ZNF804B: variants seen among roughly 807,000 people sequenced by gnomAD.
ZNF804B encodes zinc finger protein 804B, also known as zinc finger 804B.
In ZNF804B, 80 loss-of-function variants were observed where a neutral mutation model predicts 101.4. That is an observed-to-expected ratio of 0.79 (90% CI 0.66 to 0.95). ZNF804B has a LOEUF of 0.95. Among genes scored for constraint, ZNF804B ranks in the 40% least tolerant of loss-of-function variants. ZNF804B has a pLI of 0.00. For synonymous variants in ZNF804B, 622 were observed against 558.8 expected (o/e 1.11, Z -1.59); for missense variants, 1,673 against 1,561.9 (o/e 1.07, Z -1.20).
chr7:89,018,130 C>T (rs1205206049), intron 1 of ZNF804B, among the ~76,000 whole-genome samples: 1 of 152,078 alleles, frequency 6.6e-6, no homozygotes, highest in Non-Finnish European at 1.5e-5. Context: ...TTTCCCTATA[C>T]AGTATGATGC....
chr7:88,852,412 A>G (rs575895007), intron 1 of ZNF804B, among the ~76,000 whole-genome samples: 76 of 152,112 alleles, frequency 5.0e-4, no homozygotes, highest in Non-Finnish European at 8.1e-4. Flanking sequence ...AGAAGGCTAA[A>G]TACCTTTGTG....
At chr7:89,301,657 C>T (rs1790476698) in intron 2 of ZNF804B, among the ~76,000 whole-genome samples, 1 of 151,772 alleles carries the variant, frequency 6.6e-6, no homozygotes, top group Non-Finnish European at 1.5e-5. Context: ...AATATCGTAT[C>T]TCTAAAACAA....
At chr7:89,034,967 A>C (rs1788902853) in intron 1 of ZNF804B, among the ~76,000 whole-genome samples, 1 of 152,120 alleles carries the variant, frequency 6.6e-6, no homozygotes, top group African/African-American at 2.4e-5. Flanking sequence ...TTATACTCTA[A>C]GATCTATTGA....
At chr7:88,973,990 T>G (rs997144107) in intron 1 of ZNF804B, among the ~76,000 whole-genome samples, 5 of 151,406 alleles carry the variant, frequency 3.3e-5, no homozygotes, top group African/African-American at 4.8e-5. Flanking sequence ...CCTGAGTTTA[T>G]TTGAAGTCTC....
intron 1 of ZNF804B, among the ~76,000 whole-genome samples, chr7:89,090,674 T>C (rs1451593326): frequency 6.6e-6 from 1 of 152,094 alleles, no homozygotes; most frequent in Non-Finnish European, 1.5e-5. Context: ...TTGAGGACTT[T>C]GGACTGCCTA....
chr7:89,049,211 A>G (rs528748775), intron 1 of ZNF804B, among the ~76,000 whole-genome samples: 2 of 152,312 alleles, frequency 1.3e-5, no homozygotes, highest in East Asian at 3.9e-4. Context: ...TTTTTAGTAC[A>G]AGGTCATTGA....
chr7:88,840,373 A>G (rs1029382646), intron 1 of ZNF804B, among the ~76,000 whole-genome samples: 1 of 152,134 alleles, frequency 6.6e-6, no homozygotes, highest in Non-Finnish European at 1.5e-5. Flanking sequence ...ATCTGGATAA[A>G]TATGTTTTAA....
At chr7:88,778,175 T>C (rs1007066414) in intron 1 of ZNF804B, among the ~76,000 whole-genome samples, 1 of 152,202 alleles carries the variant, frequency 6.6e-6, no homozygotes, top group Non-Finnish European at 1.5e-5. Context: ...ATGTTTTTTT[T>C]CCAGCTTCTA....
At chr7:88,831,435 C>T (rs1791131558) in intron 1 of ZNF804B, among the ~76,000 whole-genome samples, 1 of 151,776 alleles carries the variant, frequency 6.6e-6, no homozygotes, top group Non-Finnish European at 1.5e-5. Context: ...CAAATTTAAC[C>T]TTATAAACGA....
intron 1 of ZNF804B, among the ~76,000 whole-genome samples, chr7:88,919,144 A>G (rs922173876): frequency 1.3e-5 from 2 of 152,178 alleles, no homozygotes; most frequent in Non-Finnish European, 2.9e-5. Flanking sequence ...ATTATAAACC[A>G]TATTTCTAGA....
chr7:88,888,724 A>G (rs1583999162), intron 1 of ZNF804B, among the ~76,000 whole-genome samples: 1 of 152,256 alleles, frequency 6.6e-6, no homozygotes, highest in East Asian at 1.9e-4. Context: ...GCATTTTAGT[A>G]TTTTAAAGAG....
chr7:88,968,511 T>G lies in ZNF804B; in HGVS notation c.108+208427T>G, dbSNP rs965380561. Among the ~76,000 whole-genome samples, 8 of 151,686 alleles carry G rather than the reference T, an allele frequency of 5.3e-5. No homozygotes were observed. In the South Asian group the frequency reaches 1.7e-3, roughly 31 times the overall value. Reference sequence around the variant, plus strand: ...GGCTTAAACATTTTAATTTGTTGTGTTTTCATGTCTTTCTTTGCCTACAAG... The same window carrying G: ...GGCTTAAACATTTTAATTTGTTGTGGTTTCATGTCTTTCTTTGCCTACAAG... On this transcript the variant is annotated intron_variant, in intron 1 of 3. Coordinates refer to ENST00000333190, the MANE Select transcript of ZNF804B (RefSeq NM_181646.5).
intron 2 of ZNF804B, among the ~76,000 whole-genome samples, chr7:89,270,637 A>G (rs1250859249): frequency 1.3e-5 from 2 of 152,168 alleles, no homozygotes; most frequent in Admixed American, 1.3e-4. Flanking sequence ...ATGGCATTGA[A>G]TCTATAAATT....
Position 89,335,651 on chromosome 7 carries a change from A to G in ZNF804B, c.2669A>G (p.Lys890Arg). Reference sequence around the variant, plus strand: ...GATCTGGGAAAAGTCAGGCCCATGAAGTGTAACTCCGGGAATATCAGCTGC... The same window carrying G: ...GATCTGGGAAAAGTCAGGCCCATGAGGTGTAACTCCGGGAATATCAGCTGC... ...ICDLGKVRPM[K>R]CNSGNISCLL... Residue 890 changes from lysine to arginine, a missense_variant, in exon 4 of 4, where the codon AAG becomes AGG. By Grantham distance (26) the Lys-to-Arg change is conservative. Coordinates refer to ENST00000333190, the MANE Select transcript of ZNF804B (RefSeq NM_181646.5). 4 of 1,614,044 alleles carry G rather than the reference A, an allele frequency of 2.5e-6. No homozygotes were observed. The highest frequency in any genetic ancestry group is 3.4e-6 in the Non-Finnish European group (4 of 1,179,966).
chr7:89,288,253 T>C (rs933898560), intron 2 of ZNF804B, among the ~76,000 whole-genome samples: 5 of 151,886 alleles, frequency 3.3e-5, no homozygotes, highest in Non-Finnish European at 7.4e-5. Context: ...GATAAGAATA[T>C]GAAAATGTGG....
chr7:88,877,830 T>C (rs1174403553), intron 1 of ZNF804B, among the ~76,000 whole-genome samples: 1 of 152,166 alleles, frequency 6.6e-6, no homozygotes, highest in African/African-American at 2.4e-5. Flanking sequence ...AATATTTCTA[T>C]AAACTGTATT....
chr7:89,166,076 A>T (rs1361220912), intron 1 of ZNF804B, among the ~76,000 whole-genome samples: 2 of 152,164 alleles, frequency 1.3e-5, no homozygotes, highest in Admixed American at 6.6e-5. Flanking sequence ...TGTGAAAAAG[A>T]CTTTCTAGAT....
intron 1 of ZNF804B, among the ~76,000 whole-genome samples, chr7:88,791,376 A>G (rs1790379136): frequency 6.6e-6 from 1 of 152,146 alleles, no homozygotes. Flanking sequence ...GAAATTGTTT[A>G]TAGTCACACT....
chr7:89,232,851 C>T (rs1019730966), intron 2 of ZNF804B, among the ~76,000 whole-genome samples: 3 of 152,010 alleles, frequency 2.0e-5, no homozygotes, highest in African/African-American at 7.2e-5. Context: ...AATCTACTTG[C>T]CATTGATTTC....
Sources: gnomAD v4.1 joint callset for allele counts (sites outside exome capture counted in the v4.1 genomes callset) on GRCh38, gnomAD v4.1.1 for gene constraint, MANE v1.5 for transcripts, NCBI Gene and HGNC (gene_info 2026-07-23, HGNC 2026-07-21) for gene names.